RFC1: variants seen among roughly 807,000 people sequenced by gnomAD.
RFC1 encodes replication factor C subunit 1.
Under a neutral mutation model 137.4 loss-of-function variants are expected in RFC1, and 37 were observed. That is an observed-to-expected ratio of 0.27 (90% CI 0.21 to 0.35). The LOEUF (loss-of-function observed/expected upper bound fraction) is 0.35. Among genes scored for constraint, RFC1 ranks in the 10% least tolerant of loss-of-function variants. The pLI, the probability that RFC1 is intolerant of heterozygous loss-of-function variation, is 1.00. For synonymous variants in RFC1, 429 were observed against 455.7 expected, an observed-to-expected ratio of 0.94 and a Z score of 0.75; for missense variants, 1,205 against 1,358.5, an observed-to-expected ratio of 0.89 and a Z score of 1.78.
intron 2 of RFC1, among the ~76,000 whole-genome samples, chr4:39,348,433 A>AGGAAAG (rs1491205556): frequency 1.2e-5 from 1 of 84,956 alleles, no homozygotes; most frequent in African/African-American, 4.2e-5. Context: ...AAAAAAGAAA[A>AGGAAAG]GAAAAGAAAA....
chr4:39,356,869 A>C (rs1465556461), intron 1 of RFC1, among the ~76,000 whole-genome samples: 1 of 152,250 alleles, frequency 6.6e-6, no homozygotes, highest in Admixed American at 6.5e-5. Flanking sequence ...TCTCTGAGGA[A>C]AACACTGGTG....
At chr4:39,348,321 G>A (rs28609388) in intron 2 of RFC1, among the ~76,000 whole-genome samples, 75,716 of 145,222 alleles carry the variant, frequency 0.52, 21,110 homozygotes, top group African/African-American at 0.71. Flanking sequence ...TACTCAGGAG[G>A]CTGAGGCAGG....
chr4:39,347,303 A>T (rs1362425262), intron 2 of RFC1, among the ~76,000 whole-genome samples: 4 of 152,230 alleles, frequency 2.6e-5, no homozygotes, highest in African/African-American at 9.6e-5. Context: ...GAAAGCCTGG[A>T]AAGAACAAAG....
intron 9 of RFC1, chr4:39,318,108 G>T (rs1429849261): frequency 1.3e-5 from 2 of 151,994 alleles, no homozygotes; most frequent in Non-Finnish European, 2.9e-5. Context: ...AGTGAGCTGA[G>T]ATCGCGCCAC....
chr4:39,351,553 G>A, intron 1 of RFC1, 77 bp from the exon 2 acceptor site: 1 of 1,285,988 alleles, frequency 7.8e-7, no homozygotes, highest in Non-Finnish European at 1.0e-6. Flanking sequence ...AGATGGGACA[G>A]CTTTATGTAC....
At chr4:39,360,292 G>A (rs1469215227) in intron 1 of RFC1, among the ~76,000 whole-genome samples, 6 of 151,982 alleles carry the variant, frequency 3.9e-5, no homozygotes, top group African/African-American at 1.4e-4. Context: ...CTAGAGGTCA[G>A]GAGTTTGAGA....
intron 4 of RFC1, among the ~76,000 whole-genome samples, chr4:39,329,996 T>G (rs867656821): frequency 1.3e-5 from 2 of 151,980 alleles, no homozygotes; most frequent in Non-Finnish European, 2.9e-5. Flanking sequence ...ATTGCACCAC[T>G]GCACTCCAGC....
chr4:39,331,579 A>C (rs191418132), intron 4 of RFC1, among the ~76,000 whole-genome samples: 166 of 152,322 alleles, frequency 1.1e-3, no homozygotes, highest in African/African-American at 3.3e-3. Context: ...TATGGGAAAA[A>C]AAATAACCTA....
intron 1 of RFC1, among the ~76,000 whole-genome samples, chr4:39,355,098 TACACACACACACACACACACAC>T (rs59438877): frequency 1.1e-5 from 1 of 88,958 alleles, no homozygotes; most frequent in Admixed American, 1.2e-4. Flanking sequence ...AAAAAAAAAA[TACACACACACACACACACACAC>T]ACACACACAC....
intron 7 of RFC1, 68 bp downstream of exon 7, chr4:39,323,272 G>T: frequency 8.5e-7 from 1 of 1,182,470 alleles, no homozygotes; most frequent in South Asian, 1.7e-5. Context: ...CTAGAGCCTA[G>T]AACACGCAAG....
At chr4:39,299,437 C>A (rs933646672) in intron 21 of RFC1, among the ~76,000 whole-genome samples, 1 of 151,800 alleles carries the variant, frequency 6.6e-6, no homozygotes, top group African/African-American at 2.4e-5. Flanking sequence ...CACAGTGAAA[C>A]CCTGTCGCTA....
Position 39,306,680 on chromosome 4 carries a change from C to A in RFC1, c.1907G>T (p.Gly636Val), listed in dbSNP as rs1298681724. 2 of 1,613,388 alleles carry A rather than the reference C, an allele frequency of 1.2e-6. No homozygotes were observed. Among genetic ancestry groups the A allele is most frequent in the East Asian group, 4.5e-5 (2 of 44,874 alleles). The change falls in exon 14 of 25, where the codon GGC (glycine) becomes GTC (valine). Residue 636 changes from glycine (G) to valine (V), a missense_variant. Coordinates refer to ENST00000349703, the MANE Select transcript of RFC1 (RefSeq NM_002913.5). ...TTTAAAACTAGAGCCATCATCTTTG[C>A]CGGAAAATTTACCAAACTTTGCTGC... ...KKHAKFGKFS[G>V]KDDGSSFKAA...
rs778797017 is a variant in RFC1, at chr4:39,329,453, AG to A, written c.332-1698del. ...AAAATTACAAAACTTAGCCGGGCGTAGCGGTGCGCGCCTGTAGTCCCAGCTA... is the reference window on the plus strand; with the variant it reads ...AAAATTACAAAACTTAGCCGGGCGTACGGTGCGCGCCTGTAGTCCCAGCTA... On this transcript the variant is annotated intron_variant, in intron 4 of 24. Coordinates refer to ENST00000349703, the MANE Select transcript of RFC1 (RefSeq NM_002913.5). Among the ~76,000 whole-genome samples the A allele has an allele frequency of 2.8e-3, 424 of 151,820 alleles. 3 individuals are homozygous for A. The highest frequency in any genetic ancestry group is 0.02 in the Middle Eastern group (6 of 294).
At chr4:39,296,077 T>G (rs931554674) in intron 21 of RFC1, among the ~76,000 whole-genome samples, 4 of 152,058 alleles carry the variant, frequency 2.6e-5, no homozygotes, top group African/African-American at 9.7e-5. Flanking sequence ...CAGCAAATAA[T>G]TACTTAAGAG....
chr4:39,365,538 C>T, intron 1 of RFC1: 3 of 973,110 alleles, frequency 3.1e-6, no homozygotes, highest in Non-Finnish European at 3.7e-6. Context: ...CAGAATTATG[C>T]AGTGAGGCTT....
chr4:39,315,548 T>C (rs1478494229), intron 10 of RFC1, among the ~76,000 whole-genome samples: 3 of 152,224 alleles, frequency 2.0e-5, no homozygotes, highest in African/African-American at 7.2e-5. Flanking sequence ...TCTGCTTGTC[T>C]ACTCAGCATC....
intron 12 of RFC1, among the ~76,000 whole-genome samples, chr4:39,310,426 C>T (rs992107267): frequency 3.9e-5 from 6 of 152,156 alleles, no homozygotes; most frequent in African/African-American, 9.7e-5. Flanking sequence ...GTTATGTAAT[C>T]GAAATCATTC....
intron 10 of RFC1, among the ~76,000 whole-genome samples, chr4:39,313,883 A>G (rs934424666): frequency 1.3e-5 from 2 of 152,208 alleles, no homozygotes; most frequent in African/African-American, 2.4e-5. Context: ...AATGTATAAT[A>G]TAAGAGATAC....
chr4:39,315,683 A>G (rs1739204283), intron 10 of RFC1, among the ~76,000 whole-genome samples: 1 of 152,176 alleles, frequency 6.6e-6, no homozygotes, highest in South Asian at 2.1e-4. Context: ...CAATAACAAG[A>G]TCATCCCCAA....
Sources: gnomAD v4.1 joint callset for allele counts (sites outside exome capture counted in the v4.1 genomes callset) on GRCh38, gnomAD v4.1.1 for gene constraint, MANE v1.5 for transcripts, NCBI Gene and HGNC (gene_info 2026-07-23, HGNC 2026-07-21) for gene names.